The following MYO5A variants were observed in gnomAD, a reference collection of about 807,000 sequenced individuals.
MYO5A encodes the protein unconventional myosin-Va.
MYO5A carries 98 observed loss-of-function variants against 249.7 expected under a neutral mutation model. The observed-to-expected ratio is 0.39, with a 90% confidence interval of 0.33 to 0.46. The LOEUF is 0.46. Ranked by LOEUF, MYO5A falls within the 20% of genes least tolerant of loss-of-function variation. The probability of loss-of-function intolerance (pLI) is 0.98; values close to 1 mark genes in which losing one functional copy is unlikely to be tolerated. For missense variants in MYO5A, 1,696 were observed against 2,308.8 expected (o/e 0.73, Z 5.44); for synonymous variants, 778 against 810.6 (o/e 0.96, Z 0.68).
At chr15:52,323,497 T>A in intron 36 of MYO5A, 53 bp from the exon 37 acceptor site, 1 of 1,371,552 alleles carries the variant, frequency 7.3e-7, no homozygotes, top group Non-Finnish European at 1.0e-6. Context: ...AATAACAACC[T>A]AAAAAAAATT....
chr15:52,343,959 A>T (rs996131321), intron 30 of MYO5A, among the ~76,000 whole-genome samples: 7 of 152,164 alleles, frequency 4.6e-5, no homozygotes, highest in African/African-American at 1.7e-4. Flanking sequence ...ACATGTACTA[A>T]TTCAGTTTCC....
chr15:52,499,515 G>A (rs1010338287), intron 1 of MYO5A, among the ~76,000 whole-genome samples: 1 of 152,066 alleles, frequency 6.6e-6, no homozygotes, highest in Admixed American at 6.6e-5. Flanking sequence ...CAGCCACTAG[G>A]AGCAACTATG....
At chr15:52,342,601 C>T (rs567722755) in intron 31 of MYO5A, among the ~76,000 whole-genome samples, 5 of 152,070 alleles carry the variant, frequency 3.3e-5, no homozygotes, top group Non-Finnish European at 5.9e-5. Context: ...TTAATAGTAT[C>T]TTGTAGTGAA....
intron 9 of MYO5A, among the ~76,000 whole-genome samples, chr15:52,402,974 C>A (rs141626923): frequency 6.6e-6 from 1 of 152,080 alleles, no homozygotes; most frequent in East Asian, 1.9e-4. Context: ...TGACAAGCAC[C>A]GGTTAGAAAA....
intron 5 of MYO5A, 96 bp from the exon 6 acceptor site, chr15:52,410,572 C>T (rs2043203779): frequency 8.7e-7 from 1 of 1,147,854 alleles, no homozygotes; most frequent in African/African-American, 1.6e-5. Context: ...GAGTAGAACA[C>T]AGGTCCTTAA....
rs1434048228 is a variant in MYO5A, at chr15:52,364,505, A to G, written c.3309+49T>C. 11 of 1,538,206 alleles carry G rather than the reference A, an allele frequency of 7.2e-6. 1 individual carries two copies. The South Asian group carries it at 8.2e-5, about 11-fold the overall frequency. ...ATTCTACTATTCTATTTACTTTTGT[A>G]TATGTTTAAAATTTTTCATTAAAAA... is the stretch of plus-strand genomic sequence containing the variant. On this transcript the variant is annotated intron_variant, in intron 24 of 41. Coordinates refer to ENST00000399233, the MANE Select transcript of MYO5A (RefSeq NM_001382347.1).
chr15:52,488,832 A>G (rs1386598310), intron 1 of MYO5A, among the ~76,000 whole-genome samples: 1 of 152,256 alleles, frequency 6.6e-6, no homozygotes, highest in East Asian at 1.9e-4. Context: ...GCTAAACTAA[A>G]AAGTATAAAT....
At chr15:52,522,842 A>T (rs201753497) in intron 1 of MYO5A, among the ~76,000 whole-genome samples, 5 of 3,820 alleles carry the variant, frequency 1.3e-3, no homozygotes, top group Non-Finnish European at 0.071. Context: ...TTCATTATTT[A>T]AAAAAAAAAA....
intron 15 of MYO5A, among the ~76,000 whole-genome samples, chr15:52,383,731 C>A (rs1471721284): frequency 6.6e-6 from 1 of 152,134 alleles, no homozygotes; most frequent in Admixed American, 6.6e-5. Flanking sequence ...AGCTGAGGAG[C>A]GCTCAGCCTC....
chr15:52,516,607 C>T lies in MYO5A; in HGVS notation c.27+12173G>A, dbSNP rs1195222583. ...GCTACACACGGCAATGACCTGAAGGCCTCACTAATCCCAAAACACCTTCTG... is the reference window on the plus strand; with the variant it reads ...GCTACACACGGCAATGACCTGAAGGTCTCACTAATCCCAAAACACCTTCTG... On this transcript the variant is annotated intron_variant, in intron 1 of 41. Transcript: ENST00000399233. 3.9e-5 allele frequency among the ~76,000 whole-genome samples: 6 copies of T among 152,194 alleles called. No homozygotes were observed. The South Asian group carries it at 1.2e-3, about 32-fold the overall frequency.
intron 2 of MYO5A, among the ~76,000 whole-genome samples, chr15:52,429,618 G>A (rs2444017): frequency 0.049 from 7,486 of 152,220 alleles, 250 homozygotes; most frequent in South Asian, 0.14. Context: ...GAACCCTGGA[G>A]GCAGAGGTTG....
At chr15:52,418,079 A>G (rs2141258468) in intron 4 of MYO5A, among the ~76,000 whole-genome samples, 1 of 152,332 alleles carries the variant, frequency 6.6e-6, no homozygotes, top group Middle Eastern at 3.4e-3. Context: ...AGAAGTCAGG[A>G]AGGGTACATT....
chr15:52,445,172 T>C (rs763521372), intron 1 of MYO5A, among the ~76,000 whole-genome samples: 2 of 152,200 alleles, frequency 1.3e-5, no homozygotes, highest in Non-Finnish European at 2.9e-5. Flanking sequence ...TTGAATCATG[T>C]GGGCAGATCC....
At chr15:52,383,012 A>G in intron 16 of MYO5A, 79 bp downstream of exon 16, 1 of 1,252,002 alleles carries the variant, frequency 8.0e-7, no homozygotes, top group Non-Finnish European at 1.2e-6. Context: ...AAATGTAAGG[A>G]AAATATTAGT....
chr15:52,480,595 T>C (rs573701126), intron 1 of MYO5A, among the ~76,000 whole-genome samples: 1 of 152,274 alleles, frequency 6.6e-6, no homozygotes, highest in South Asian at 2.1e-4. Context: ...CTGAAAAAAG[T>C]TGCACAGCTG....
chr15:52,359,976 T>G lies in MYO5A; in HGVS notation c.3415A>C (p.Arg1139=), dbSNP rs950891124. The G allele has an allele frequency of 3.7e-6, 6 of 1,604,832 alleles. No homozygotes were observed. Among genetic ancestry groups the G allele is most frequent in the Non-Finnish European group, 5.1e-6 (6 of 1,172,290 alleles). The stretch of plus-strand genomic sequence containing the variant: ...AGATGTCTAAACTGTACCTCTGTCC[T>G]TGATGGAATGTCTTCCATTTCTGCA... ...EIAEMEDIPS[R]TEEPSEKKVP... The change falls in exon 25 of 42, where the codon AGG becomes CGG. Residue 1139 remains arginine, a synonymous_variant. Transcript: ENST00000399233.
rs1465046653 is a variant in MYO5A, at chr15:52,433,292, G to T, written c.28-7C>A. 1 of 1,574,842 alleles carries T rather than the reference G, an allele frequency of 6.3e-7. No homozygotes were observed. ...GTATCCAAACCCTGGCAAACTAGAAGACAAAAAGAAAAAAATTTAAACTAG... is the reference window on the plus strand; with the variant it reads ...GTATCCAAACCCTGGCAAACTAGAATACAAAAAGAAAAAAATTTAAACTAG... On this transcript the variant is annotated splice_polypyrimidine_tract_variant and splice_region_variant and intron_variant, in intron 1 of 41. Transcript: ENST00000399233.
At chr15:52,478,857 A>G (rs895616828) in intron 1 of MYO5A, among the ~76,000 whole-genome samples, 1 of 152,228 alleles carries the variant, frequency 6.6e-6, no homozygotes. Context: ...CAACATGGCT[A>G]CAGAATTACT....
chr15:52,351,293 C>T lies in MYO5A; in HGVS notation c.3810G>A (p.Arg1270=). The change falls in exon 28 of 42, where the codon AGG becomes AGA. Residue 1270 remains arginine (R), a synonymous_variant. Transcript: ENST00000399233. ...DVRKEEVLIL[R]SQLVSQKEAI... is the part of the protein sequence containing the mutation. ...CCTCTTTCTGGCTCACCAGTTGAGA[C>T]CTTAAGATGAGGACTTCCTCCTTGC... The T allele has an allele frequency of 2.5e-6, 4 of 1,614,150 alleles. No homozygotes were observed. Among genetic ancestry groups the T allele is most frequent in the South Asian group, 1.1e-5 (1 of 91,084 alleles).
Sources: allele counts gnomAD v4.1 joint callset (sites outside exome capture counted in the v4.1 genomes callset), GRCh38; gene constraint gnomAD v4.1.1; transcripts MANE v1.5; gene names NCBI Gene and HGNC (gene_info 2026-07-23, HGNC 2026-07-21).